The following AKR1E2 variants were observed in gnomAD, a reference collection of about 807,000 sequenced individuals.
AKR1E2 encodes the protein 1,5-anhydro-D-fructose reductase.
In AKR1E2, 43 loss-of-function variants were observed where a neutral mutation model predicts 41.9. The observed-to-expected ratio is 1.03, with a 90% CI of 0.80 to 1.32. The LOEUF is 1.32. Ranked by LOEUF, AKR1E2 falls within the 40% of genes most tolerant of loss-of-function variation. The probability of loss-of-function intolerance (pLI) is 0.00; values close to 1 mark genes in which losing one functional copy is unlikely to be tolerated. For missense variants in AKR1E2, 423 were observed against 396.5 expected (o/e 1.07, Z -0.57); for synonymous variants, 121 against 138.9 (o/e 0.87, Z 0.91).
chr10:4,837,143 G>A (rs1251303346), intron 4 of AKR1E2, among the ~76,000 whole-genome samples: 2 of 152,170 alleles, frequency 1.3e-5, no homozygotes, highest in African/African-American at 4.8e-5. Context: ...AGTACTGGAC[G>A]CCAGCCTTAG....
chr10:4,827,763 G>A (rs910623409), intron 1 of AKR1E2, among the ~76,000 whole-genome samples: 1 of 152,224 alleles, frequency 6.6e-6, no homozygotes, highest in East Asian at 1.9e-4. Flanking sequence ...TAGGAGTGTC[G>A]TTTTGTTCAT....
intron 4 of AKR1E2, among the ~76,000 whole-genome samples, chr10:4,837,131 C>G (rs959267718): frequency 3.3e-5 from 5 of 152,184 alleles, no homozygotes; most frequent in Admixed American, 3.3e-4. Context: ...TCACATGTGT[C>G]GAGTACTGGA....
chr10:4,840,934 C>T (rs558095302), intron 6 of AKR1E2, among the ~76,000 whole-genome samples: 5 of 152,278 alleles, frequency 3.3e-5, no homozygotes, highest in African/African-American at 1.2e-4. Context: ...CAGCTTCTAG[C>T]TCAGCACCTG....
chr10:4,841,997 C>G, intron 7 of AKR1E2, 140 bp downstream of exon 7: 1 of 690,026 alleles, frequency 1.4e-6, no homozygotes, highest in Non-Finnish European at 2.3e-6. Flanking sequence ...CTCCCAGCGT[C>G]AAGCAGAATT....
chr10:4,843,331 G>GCCTGGCGTATGGAAGTA (rs1834034310), intron 8 of AKR1E2, among the ~76,000 whole-genome samples: 2 of 152,294 alleles, frequency 1.3e-5, no homozygotes, highest in South Asian at 4.1e-4. Context: ...ATAGCATAGT[G>GCCTGGCGTATGGAAGTA]CCTGGCGTAT....
At chr10:4,871,408 T>C in the AKR1E2 span, among the ~76,000 whole-genome samples, 2 of 152,192 alleles carry the variant, frequency 1.3e-5, no homozygotes, top group African/African-American at 4.8e-5. Context: ...TTGGGTGTTA[T>C]ATATTAAGTT....
chr10:4,845,478 TCAATGGGGGCTGCCAGCATGCTGTCACCC>T (rs1834264723), intron 8 of AKR1E2, among the ~76,000 whole-genome samples: 3 of 25,914 alleles, frequency 1.2e-4, no homozygotes, highest in African/African-American at 1.9e-4. Context: ...CTGTCACCCC[TCAATGGGGGCTGCCAGCATGCTGTCACCC>T]CTCAATGGGG....
intron 1 of AKR1E2, among the ~76,000 whole-genome samples, chr10:4,828,202 C>A (rs1832697130): frequency 6.6e-6 from 1 of 152,152 alleles, no homozygotes; most frequent in African/African-American, 2.4e-5. Flanking sequence ...GCTCTGTGGA[C>A]CTTGGCTGGG....
At chr10:4,866,647 T>G in the AKR1E2 span, among the ~76,000 whole-genome samples, 5 of 122,526 alleles carry the variant, frequency 4.1e-5, no homozygotes, top group Admixed American at 8.0e-5. Context: ...TTGTTTTTGT[T>G]TTTTTTTTTT....
intron 8 of AKR1E2, among the ~76,000 whole-genome samples, chr10:4,844,960 C>A (rs950858666): frequency 6.6e-6 from 1 of 152,176 alleles, no homozygotes; most frequent in African/African-American, 2.4e-5. Context: ...TGCCATGGAG[C>A]AGGGGGCGGT....
intron 8 of AKR1E2, 61 bp from the exon 9 acceptor site, chr10:4,847,087 A>G: frequency 6.3e-7 from 1 of 1,582,706 alleles, no homozygotes; most frequent in South Asian, 1.1e-5. Context: ...TGTAGGTAAC[A>G]TGTGCTCCAT....
In AKR1E2 at chr10:4,837,522, G is replaced by A. The variant is rs1564265691; in HGVS notation, c.523G>A (p.Glu175Lys). The change falls in exon 5 of 10, where the codon GAA (glutamate) becomes AAA (lysine). Residue 175 changes from glutamate (E) to lysine (K), a missense_variant. Transcript: ENST00000298375. ...CATCGGGGTGTCAAACTTCAACCAT[G>A]AACAGCTTGAGAGGCTTTTGAATAA... is the stretch of plus-strand genomic sequence containing the variant. Reference protein sequence around the residue: ...KNIGVSNFNHEQLERLLNKPG... With the variant: ...KNIGVSNFNHKQLERLLNKPG... The A allele has an allele frequency of 6.2e-7, 1 of 1,614,068 alleles. No individual in the cohort carries two copies. Among genetic ancestry groups the A allele is most frequent in the Non-Finnish European group, 8.5e-7 (1 of 1,179,996 alleles).
intron 4 of AKR1E2, among the ~76,000 whole-genome samples, chr10:4,836,129 C>CAT (rs1833397035): frequency 6.6e-6 from 1 of 152,102 alleles, no homozygotes; most frequent in South Asian, 2.1e-4. Flanking sequence ...AGTTCTTCTG[C>CAT]ATTAAACTAA....
chr10:4,871,402 G>A, the AKR1E2 span, among the ~76,000 whole-genome samples: 1 of 151,884 alleles, frequency 6.6e-6, no homozygotes, highest in African/African-American at 2.4e-5. Context: ...GACATTTTGG[G>A]TGTTATATAT....
chr10:4,868,503 C>G, the AKR1E2 span, among the ~76,000 whole-genome samples: 48 of 152,310 alleles, frequency 3.2e-4, no homozygotes, highest in Admixed American at 3.1e-3. Flanking sequence ...ATCACGTCAC[C>G]TGCAAATGGA....
At chr10:4,858,140 A>C in the AKR1E2 span, among the ~76,000 whole-genome samples, 15 of 152,088 alleles carry the variant, frequency 9.9e-5, 1 homozygote, top group African/African-American at 3.6e-4. Context: ...TTTCATTGAC[A>C]TTTCAGGAAA....
chr10:4,845,702 A>T (rs1420745104), intron 8 of AKR1E2: 1 of 470,482 alleles, frequency 2.1e-6, no homozygotes, highest in Non-Finnish European at 4.4e-6. Context: ...AATGCCCGGG[A>T]TCCCCATGGC....
chr10:4,831,457 C>A (rs749558172), intron 2 of AKR1E2, among the ~76,000 whole-genome samples: 23 of 152,140 alleles, frequency 1.5e-4, no homozygotes, highest in Admixed American at 6.5e-4. Flanking sequence ...GAAGGAGGAA[C>A]AAAGGCACGT....
At chr10:4,847,017 G>A in intron 8 of AKR1E2, 131 bp from the exon 9 acceptor site, 2 of 958,374 alleles carry the variant, frequency 2.1e-6, no homozygotes. Flanking sequence ...GAAGTTCCAA[G>A]TGTCTGATGA....
Sources: gnomAD v4.1 joint callset for allele counts (sites outside exome capture counted in the v4.1 genomes callset) on GRCh38, gnomAD v4.1.1 for gene constraint, MANE v1.5 for transcripts, NCBI Gene and HGNC (gene_info 2026-07-23, HGNC 2026-07-21) for gene names.